Variants in FGF13 observed in about 807,000 individuals in gnomAD.
FGF13 encodes fibroblast growth factor 13.
In FGF13, 2 loss-of-function variants were observed where a neutral mutation model predicts 19.5. That is an observed-to-expected ratio of 0.10 (90% CI 0.04 to 0.32). The LOEUF (loss-of-function observed/expected upper bound fraction) is 0.32, where lower values mean the gene tolerates loss of function less well. Among genes scored for constraint, FGF13 ranks in the 10% least tolerant of loss-of-function variants. The probability of loss-of-function intolerance (pLI) is 1.00; values close to 1 mark genes in which losing one functional copy is unlikely to be tolerated. For missense variants in FGF13, 113 were observed against 192.7 expected (o/e 0.59, Z 2.45); for synonymous variants, 72 against 76.9 (o/e 0.94, Z 0.33).
At chrX:139,028,638 T>A (rs12852904) in intron 1 of FGF13, among the ~76,000 whole-genome samples, 1 of 49,178 alleles carries the variant, frequency 2.0e-5, no homozygotes, top group African/African-American at 8.8e-5. Context: ...AGAGAGAGTG[T>A]GTGTGTGTGT....
chrX:138,627,966 T>G lies in FGF13; in HGVS notation c.*4884A>C, dbSNP rs1259753295. The G allele has an allele frequency of 1.8e-5, 2 of 111,753 alleles. No homozygotes were observed. The highest frequency in any genetic ancestry group is 3.8e-5 in the Non-Finnish European group (2 of 53,223). 9.2% of individuals were successfully genotyped at this position (111,753 alleles called of 1,213,427 possible). On this transcript the variant is annotated 3_prime_UTR_variant, in exon 5 of 5. Coordinates refer to ENST00000315930, the MANE Select transcript of FGF13 (RefSeq NM_004114.5). ...ATATTAGCAAAAGGGTTCATTAATT[T>G]GTCATAGATTATTGTTCTCTGTGCA...
At chrX:139,107,037 T>C (rs1238072098) in intron 1 of FGF13, among the ~76,000 whole-genome samples, 1 of 112,129 alleles carries the variant, frequency 8.9e-6, no homozygotes, top group East Asian at 2.8e-4. Context: ...TTCATACTTT[T>C]AATATGTATG....
intron 1 of FGF13, among the ~76,000 whole-genome samples, chrX:138,955,429 T>C (rs901674756): frequency 5.4e-5 from 6 of 111,987 alleles, no homozygotes; most frequent in African/African-American, 1.9e-4. Context: ...TAGCAAACGT[T>C]TGGTAGTCTC....
At chrX:139,169,556 T>C (rs974302612) in intron 1 of FGF13, among the ~76,000 whole-genome samples, 2 of 110,646 alleles carry the variant, frequency 1.8e-5, no homozygotes, top group Non-Finnish European at 3.8e-5. Flanking sequence ...ACTCCTGGTC[T>C]CAAGGGATCC....
intron 1 of FGF13, among the ~76,000 whole-genome samples, chrX:139,067,682 C>G (rs773741473): frequency 8.9e-6 from 1 of 112,110 alleles, no homozygotes; most frequent in Admixed American, 9.4e-5. Flanking sequence ...TAGGAAGAAT[C>G]GATATCGTGA....
chrX:139,069,919 G>T (rs2092371153), intron 1 of FGF13, among the ~76,000 whole-genome samples: 1 of 112,309 alleles, frequency 8.9e-6, no homozygotes, highest in Non-Finnish European at 1.9e-5. Context: ...AGGAAAACTG[G>T]CTAGCCATAT....
chrX:138,811,033 G>C (rs910337370), intron 3 of FGF13, among the ~76,000 whole-genome samples: 3 of 112,262 alleles, frequency 2.7e-5, no homozygotes, highest in Non-Finnish European at 5.6e-5. Context: ...GGAAGACAGT[G>C]TGGCGATTCC....
chrX:138,818,498 A>T (rs1438537448), intron 3 of FGF13, among the ~76,000 whole-genome samples: 2 of 68,121 alleles, frequency 2.9e-5, no homozygotes, highest in Non-Finnish European at 5.7e-5. Context: ...ATATATGCAC[A>T]GACACACACA....
chrX:138,643,661 T>C (rs981885326), intron 3 of FGF13, among the ~76,000 whole-genome samples: 1 of 112,189 alleles, frequency 8.9e-6, no homozygotes, highest in Non-Finnish European at 1.9e-5. Flanking sequence ...AACTGTTGTA[T>C]ATTTTAAAAC....
At chrX:138,785,300 A>AG (rs1410405462) in intron 3 of FGF13, among the ~76,000 whole-genome samples, 1 of 111,771 alleles carries the variant, frequency 8.9e-6, no homozygotes, top group East Asian at 2.8e-4. Context: ...CCACATCAGC[A>AG]GATAGGCATA....
intron 3 of FGF13, among the ~76,000 whole-genome samples, chrX:138,814,745 A>C (rs974028342): frequency 2.7e-5 from 3 of 111,490 alleles, no homozygotes; most frequent in African/African-American, 9.8e-5. Flanking sequence ...TTCAGTGGGA[A>C]TGTAAATTAG....
upstream of FGF13, among the ~76,000 whole-genome samples, chrX:138,715,077 C>G (rs2090088820): frequency 8.9e-6 from 1 of 111,943 alleles, no homozygotes; most frequent in Non-Finnish European, 1.9e-5. Flanking sequence ...TCAAACTCTT[C>G]TATGCTCTAT....
chrX:139,120,986 G>A (rs1016222227), intron 1 of FGF13, among the ~76,000 whole-genome samples: 1 of 112,689 alleles, frequency 8.9e-6, no homozygotes, highest in Middle Eastern at 4.6e-3. Flanking sequence ...ATAATTTCAG[G>A]TGGCACTCTG....
At chrX:139,065,082 T>C (rs1006206805) in intron 1 of FGF13, among the ~76,000 whole-genome samples, 1 of 111,011 alleles carries the variant, frequency 9.0e-6, no homozygotes, top group Non-Finnish European at 1.9e-5. Flanking sequence ...TAACTTTTTT[T>C]CAAGGTTGTT....
At chrX:138,945,329 A>G (rs979880937) in intron 1 of FGF13, among the ~76,000 whole-genome samples, 19 of 111,576 alleles carry the variant, frequency 1.7e-4, no homozygotes, top group Non-Finnish European at 3.8e-5. Flanking sequence ...AAGATGATTT[A>G]TCTTAGGACT....
At position 138,623,604 on chromosome X, in the gene FGF13, C is replaced by T. The variant is rs1403288855; in HGVS notation, c.*9246G>A. 2 of 110,313 alleles carry T rather than the reference C, an allele frequency of 1.8e-5. No homozygotes were observed. The highest frequency in any genetic ancestry group is 5.7e-4 in the East Asian group (2 of 3,484). The allele number at this position is 110,313 out of a possible 1,213,427, so 9.1% of individuals were successfully genotyped here. ...CCTGGCCAACATGGTGAAACCCCAT[C>T]TCTATCTACTAAAAATACAAAAATT... On this transcript the variant is annotated 3_prime_UTR_variant, in exon 5 of 5. Coordinates refer to ENST00000315930, the MANE Select transcript of FGF13 (RefSeq NM_004114.5).
At chrX:139,131,385 GTGTGT>G (rs1569456249) in intron 1 of FGF13, among the ~76,000 whole-genome samples, 13 of 2,369 alleles carry the variant, frequency 5.5e-3, no homozygotes, top group African/African-American at 0.023. Context: ...ATAGAGGGGT[GTGTGT>G]GTGTGTGTGT....
chrX:138,759,663 G>C (rs988119341), intron 3 of FGF13, among the ~76,000 whole-genome samples: 1 of 111,852 alleles, frequency 8.9e-6, no homozygotes, highest in Non-Finnish European at 1.9e-5. Context: ...CTCAAGTGCA[G>C]CATTGGAAAA....
At chrX:139,149,687 A>G (rs1055630986) in intron 1 of FGF13, among the ~76,000 whole-genome samples, 13 of 112,186 alleles carry the variant, frequency 1.2e-4, no homozygotes, top group African/African-American at 4.2e-4. Flanking sequence ...CTAGATCCCC[A>G]TAGGTTACTT....
Sources: gnomAD v4.1 joint callset for allele counts (sites outside exome capture counted in the v4.1 genomes callset) on GRCh38, gnomAD v4.1.1 for gene constraint, MANE v1.5 for transcripts, NCBI Gene and HGNC (gene_info 2026-07-23, HGNC 2026-07-21) for gene names.